KRT82: variants seen among roughly 807,000 people sequenced by gnomAD.
KRT82 encodes the protein keratin 82, also known as keratin, type II cuticular Hb2.
In KRT82, 44 loss-of-function variants were observed where a neutral mutation model predicts 48.0. The observed-to-expected ratio is 0.92, with a 90% confidence interval of 0.72 to 1.18. KRT82 has a LOEUF of 1.18. KRT82 is among the 50% of genes most tolerant of loss of function. The pLI is 0.00. For missense variants in KRT82, 701 were observed against 671.4 expected (o/e 1.04, Z -0.49); for synonymous variants, 297 against 278.3 (o/e 1.07, Z -0.67).
At position 52,397,010 on chromosome 12, in the gene KRT82, T is replaced by G. The variant is rs756428485; in HGVS notation, c.943-2A>C. ...AGCTGTGACTCTCAGCTCCTCATAC[T>G]GCCAGGACAGAGAGGTCAGAGCCCC... On this transcript the variant is annotated splice_acceptor_variant, in intron 5 of 8. Transcript: ENST00000257974. LOFTEE classifies it high-confidence loss of function. 1 of 1,613,714 alleles carries G rather than the reference T, an allele frequency of 6.2e-7. No individual in the cohort carries two copies. Among genetic ancestry groups the G allele is most frequent in the Non-Finnish European group, 8.5e-7 (1 of 1,180,020 alleles).
intron 1 of KRT82, among the ~76,000 whole-genome samples, chr12:52,405,178 TGCA>T (rs1204483866): frequency 6.6e-6 from 1 of 152,204 alleles, no homozygotes; most frequent in Non-Finnish European, 1.5e-5. Context: ...GCGCTCTTCC[TGCA>T]GTGGGTGCTA....
intron 5 of KRT82, among the ~76,000 whole-genome samples, chr12:52,397,640 G>T (rs1939732863): frequency 6.6e-6 from 1 of 152,186 alleles, no homozygotes; most frequent in African/African-American, 2.4e-5. Context: ...ATATTATATA[G>T]AAAATGCAAA....
intron 5 of KRT82, 90 bp downstream of exon 5, chr12:52,399,895 C>T (rs1939762914): frequency 4.4e-6 from 6 of 1,352,098 alleles, no homozygotes; most frequent in Non-Finnish European, 6.2e-6. Flanking sequence ...TAGCTCCTCA[C>T]CCACTTCTGC....
At chr12:52,400,196 G>C in intron 4 of KRT82, 47 bp from the exon 5 acceptor site, 1 of 1,573,238 alleles carries the variant, frequency 6.4e-7, no homozygotes. Flanking sequence ...CTGAGCGTCC[G>C]GGGACAGGAG....
chr12:52,397,117 C>T (rs771058980), intron 5 of KRT82, 109 bp from the exon 6 acceptor site: 64 of 1,337,396 alleles, frequency 4.8e-5, no homozygotes, highest in Middle Eastern at 3.7e-4. Context: ...TTCAGGTGTT[C>T]TCTGGTTCTC....
In KRT82 at chr12:52,406,009, G is replaced by T; in HGVS notation, c.269C>A (p.Ala90Asp). The T allele has an allele frequency of 1.9e-6, 3 of 1,614,210 alleles. No individual in the cohort carries two copies. Among genetic ancestry groups the T allele is most frequent in the Non-Finnish European group, 2.5e-6 (3 of 1,180,052 alleles). ...YRLGATCGPS[A>D]CITPVTINES... ...ATTGATGGTGACAGGGGTGATGCAGGCAGAAGGCCCACAGGTGGCTCCCAG... is the reference window on the plus strand; with the variant it reads ...ATTGATGGTGACAGGGGTGATGCAGTCAGAAGGCCCACAGGTGGCTCCCAG... Residue 90 changes from alanine (A) to aspartate (D), a missense_variant, in exon 1 of 9, where the codon GCC becomes GAC. Ala to Asp is a moderately radical substitution (Grantham distance 126). Coordinates refer to ENST00000257974, the MANE Select transcript of KRT82 (RefSeq NM_033033.4).
chr12:52,401,147 G>A, intron 3 of KRT82, 142 bp downstream of exon 3: 1 of 635,176 alleles, frequency 1.6e-6, no homozygotes, highest in Non-Finnish European at 2.8e-6. Flanking sequence ...AGTTAGTGGG[G>A]CTGGCACAGG....
At chr12:52,401,119 G>A (rs1939784070) in intron 3 of KRT82, among the ~76,000 whole-genome samples, 170 bp downstream of exon 3, 1 of 152,024 alleles carries the variant, frequency 6.6e-6, no homozygotes, top group East Asian at 1.9e-4. Flanking sequence ...AGAGGAGGCC[G>A]GCCTTCCTCA....
At chr12:52,403,984 G>A (rs1939822221) in intron 1 of KRT82, 75 bp from the exon 2 acceptor site, 3 of 1,406,532 alleles carry the variant, frequency 2.1e-6, no homozygotes, top group East Asian at 2.4e-5. Context: ...AATGGAATGA[G>A]TTTCTGCCCT....
rs545009829 is a variant in KRT82 at position 52,405,941 on chromosome 12, C to G, written c.337G>C (p.Val113Leu). The G allele has an allele frequency of 1.2e-6, 2 of 1,614,238 alleles. No homozygotes were observed. Among genetic ancestry groups the G allele is most frequent in the African/African-American group, 1.3e-5 (1 of 75,062 alleles). ...VPLALEIDPT[V>L]QRVKRDEKEQ... ...TTCTCATCCCTCTTTACCCTCTGCA[C>G]AGTCGGGTCTATCTCCAGTGCCAGT... The change falls in exon 1 of 9, where the codon GTG (valine) becomes CTG (leucine). Residue 113 changes from valine (V) to leucine (L), a missense_variant. By Grantham distance (32) the Val-to-Leu change is conservative. Transcript: ENST00000257974.
intron 2 of KRT82, chr12:52,402,055 T>G (rs1307814049): frequency 6.6e-6 from 1 of 152,256 alleles, no homozygotes; most frequent in Non-Finnish European, 1.5e-5. Context: ...TCTGGCTCTG[T>G]CCCGTGCAAG....
chr12:52,405,680 A>T (rs113437153), intron 1 of KRT82, among the ~76,000 whole-genome samples, 187 bp downstream of exon 1: 6 of 152,242 alleles, frequency 3.9e-5, no homozygotes, highest in Non-Finnish European at 8.8e-5. Flanking sequence ...AGGAAGCAGA[A>T]ATGTTTAGTG....
chr12:52,401,537 A>C (rs1017303405), intron 2 of KRT82, among the ~76,000 whole-genome samples, 188 bp from the exon 3 acceptor site: 3 of 152,008 alleles, frequency 2.0e-5, no homozygotes, highest in African/African-American at 7.2e-5. Flanking sequence ...GCCACTTGTC[A>C]AGTTTACTCT....
chr12:52,397,132 T>C (rs759429133), intron 5 of KRT82, 124 bp from the exon 6 acceptor site: 5 of 1,235,764 alleles, frequency 4.0e-6, no homozygotes, highest in African/African-American at 1.5e-5. Context: ...GTTCTCATAC[T>C]GGTTCTGCTC....
At chr12:52,401,196 G>T in intron 3 of KRT82, 93 bp downstream of exon 3, 1 of 1,022,058 alleles carries the variant, frequency 9.8e-7, no homozygotes. Context: ...GAGTGGGTGG[G>T]CTGCAGACAC....
chr12:52,395,232 G>A lies in KRT82; in HGVS notation c.1322-37C>T, dbSNP rs753014094. 1.8e-5 allele frequency: 27 copies of A among 1,540,916 alleles called. No homozygotes were observed. The Admixed American group carries it at 2.4e-4, about 14-fold the overall frequency. On this transcript the variant is annotated intron_variant, in intron 8 of 8. Transcript: ENST00000257974. ...GGAAGGGGTGCTCAGGGCCCCACACGGTGTGGCTCTCAGTGTACTGCCCTG... is the reference window on the plus strand; with the variant it reads ...GGAAGGGGTGCTCAGGGCCCCACACAGTGTGGCTCTCAGTGTACTGCCCTG...
At chr12:52,405,774 G>T (rs867439308) in intron 1 of KRT82, 93 bp downstream of exon 1, 9 of 1,340,742 alleles carry the variant, frequency 6.7e-6, no homozygotes, top group African/African-American at 1.5e-5. Flanking sequence ...CCTCCTCAAT[G>T]TCAGTCTCCT....
rs953342447 is a variant in KRT82 at position 52,394,715 on chromosome 12, A to G, written c.*260T>C. On this transcript the variant is annotated 3_prime_UTR_variant, in exon 9 of 9. Transcript: ENST00000257974. ...TATTGCCATTCTGCGGTTAAGAGCA[A>G]TGCATGCTCTTTCTCTGCCGTCTGT... is the stretch of plus-strand genomic sequence containing the variant. 1.4e-5 allele frequency: 8 copies of G among 557,870 alleles called. No homozygotes were observed. The highest frequency in any genetic ancestry group is 2.6e-5 in the Non-Finnish European group (8 of 310,172). 34.6% of individuals were successfully genotyped at this position (557,870 alleles called of 1,614,324 possible).
At position 52,403,733 on chromosome 12, in the gene KRT82, G is replaced by C. The variant is rs1264311584; in HGVS notation, c.588C>G (p.Ser196Arg). Residue 196 changes from serine (S) to arginine (R), a missense_variant, in exon 2 of 9, where the codon AGC (serine) becomes AGG (arginine). Physicochemically the swap from Ser to Arg is moderately radical, Grantham distance 110 (BLOSUM62 -1). Transcript: ENST00000257974. ...TGTAGCCCTCCAGTGCAGCCTGGAG[G>C]CTGCAGAGCTCTGACTCTAGCCTCA... Reference protein sequence around the residue: ...DRVRLESELCSLQAALEGYKK... With the variant: ...DRVRLESELCRLQAALEGYKK... 6.2e-7 allele frequency: 1 copy of C among 1,612,774 alleles called. No individual in the cohort carries two copies.
Sources: allele counts gnomAD v4.1 joint callset (sites outside exome capture counted in the v4.1 genomes callset), GRCh38; gene constraint gnomAD v4.1.1; transcripts MANE v1.5; gene names NCBI Gene and HGNC (gene_info 2026-07-23, HGNC 2026-07-21).